Variants in INTS14 observed in about 807,000 individuals in gnomAD.
INTS14 encodes the protein integrator complex subunit 14.
Under a neutral mutation model 56.9 loss-of-function variants are expected in INTS14, and 27 were observed. That is an observed-to-expected ratio of 0.47 (90% confidence interval 0.35 to 0.65). The LOEUF is 0.65. INTS14 is among the 30% of genes least tolerant of loss of function. The pLI is 0.00. For synonymous variants in INTS14, 207 were observed against 236.2 expected (o/e 0.88, Z 1.13); for missense variants, 517 against 632.2 (o/e 0.82, Z 1.95).
Position 65,579,603 on chromosome 15 carries a change from T to G in INTS14, c.1362A>C (p.Lys454Asn), listed in dbSNP as rs2072509942. Residue 454 changes from lysine (K) to asparagine (N), a missense_variant, in exon 12 of 12, where the codon AAA becomes AAC. Coordinates refer to ENST00000313182, the MANE Select transcript of INTS14 (RefSeq NM_001394796.1). ...CCCTTTCCAGCATGTCAGCCACCCC[T>G]TTCAGCAGGTCCAGGAAACCAAAGG... ...ALAFGFLDLL[K>N]GVADMLEREC... 9.9e-6 allele frequency: 16 copies of G among 1,614,174 alleles called. No homozygotes were observed. The highest frequency in any genetic ancestry group is 1.4e-5 in the Non-Finnish European group (16 of 1,180,030).
intron 3 of INTS14, among the ~76,000 whole-genome samples, chr15:65,603,446 A>G (rs941992772): frequency 6.6e-6 from 1 of 152,038 alleles, no homozygotes; most frequent in Non-Finnish European, 1.5e-5. Flanking sequence ...CTTTTGAGTC[A>G]ATTCATACCT....
At chr15:65,604,123 G>T (rs1013167931) in intron 3 of INTS14, among the ~76,000 whole-genome samples, 2 of 152,116 alleles carry the variant, frequency 1.3e-5, no homozygotes, top group African/African-American at 4.8e-5. Context: ...TCGCTCTGTC[G>T]CTAGGCTGGA....
chr15:65,598,638 C>A, intron 5 of INTS14, 175 bp from the exon 6 acceptor site: 1 of 797,094 alleles, frequency 1.3e-6, no homozygotes, highest in Non-Finnish European at 1.9e-6. Context: ...TCTGAAAAGC[C>A]CAAGAGCAAG....
At chr15:65,609,845 T>C (rs923182538) in intron 1 of INTS14, among the ~76,000 whole-genome samples, 1 of 152,106 alleles carries the variant, frequency 6.6e-6, no homozygotes, top group South Asian at 2.1e-4. Context: ...AAAAGCACTT[T>C]CAGCCCGTGA....
chr15:65,599,294 G>A (rs1033628996), intron 4 of INTS14: 1 of 230,418 alleles, frequency 4.3e-6, no homozygotes, highest in Non-Finnish European at 8.4e-6. Flanking sequence ...CTTTTGGTGA[G>A]AACCATCATT....
intron 11 of INTS14, among the ~76,000 whole-genome samples, chr15:65,580,792 G>A (rs1041192465): frequency 9.2e-5 from 14 of 152,174 alleles, no homozygotes; most frequent in Non-Finnish European, 1.8e-4. Context: ...GGAGAATCAA[G>A]GAGCAAACCT....
chr15:65,580,683 G>A (rs2072571438), intron 11 of INTS14, among the ~76,000 whole-genome samples: 1 of 152,218 alleles, frequency 6.6e-6, no homozygotes, highest in Admixed American at 6.5e-5. Context: ...GCCTAAGGCT[G>A]GCTGTGTGTG....
At chr15:65,580,450 G>T (rs1296952579) in intron 11 of INTS14, among the ~76,000 whole-genome samples, 1 of 152,176 alleles carries the variant, frequency 6.6e-6, no homozygotes, top group Non-Finnish European at 1.5e-5. Flanking sequence ...GTAAATAGCT[G>T]ATGACTGTAG....
At chr15:65,584,322 CTG>C (rs1202531767) in intron 10 of INTS14, among the ~76,000 whole-genome samples, 1 of 152,170 alleles carries the variant, frequency 6.6e-6, no homozygotes, top group Non-Finnish European at 1.5e-5. Flanking sequence ...TTTTCCAAAA[CTG>C]TTGTTAAAGC....
intron 11 of INTS14, among the ~76,000 whole-genome samples, chr15:65,581,301 GC>G (rs1156570091): frequency 1.7e-5 from 2 of 120,290 alleles, no homozygotes; most frequent in African/African-American, 7.1e-5. Flanking sequence ...AATTGTTTGA[GC>G]CCGCGAGGCG....
chr15:65,609,427 A>G (rs1287597115), intron 1 of INTS14, among the ~76,000 whole-genome samples: 2 of 151,938 alleles, frequency 1.3e-5, no homozygotes, highest in African/African-American at 4.8e-5. Context: ...GGTCCTGCAC[A>G]ATATTGGTTC....
At chr15:65,584,167 T>C (rs535153190) in intron 10 of INTS14, among the ~76,000 whole-genome samples, 3 of 152,364 alleles carry the variant, frequency 2.0e-5, no homozygotes, top group East Asian at 3.9e-4. Context: ...TTATCATATG[T>C]TCCTGAATAC....
intron 3 of INTS14, among the ~76,000 whole-genome samples, chr15:65,604,391 G>A (rs1395507679): frequency 6.6e-6 from 1 of 152,100 alleles, no homozygotes; most frequent in African/African-American, 2.4e-5. Context: ...TAGATTTTAT[G>A]TTTTATACTC....
chr15:65,608,683 G>C (rs1165759472), intron 1 of INTS14, among the ~76,000 whole-genome samples: 2 of 152,148 alleles, frequency 1.3e-5, no homozygotes, highest in Non-Finnish European at 2.9e-5. Flanking sequence ...GAGAAAAGCA[G>C]GCCCCAGAAC....
chr15:65,602,697 T>C (rs528098967), intron 3 of INTS14, among the ~76,000 whole-genome samples: 66 of 151,702 alleles, frequency 4.4e-4, no homozygotes, highest in Middle Eastern at 3.4e-3. Flanking sequence ...GGAGTTTCTC[T>C]CTTGTTGCCC....
At chr15:65,608,441 C>T (rs1036691844) in intron 1 of INTS14, among the ~76,000 whole-genome samples, 1 of 143,576 alleles carries the variant, frequency 7.0e-6, no homozygotes, top group Non-Finnish European at 1.5e-5. Flanking sequence ...TCAAAATGTA[C>T]AAATGGAGTT....
At chr15:65,580,124 A>T (rs1433897471) in intron 11 of INTS14, among the ~76,000 whole-genome samples, 1 of 152,186 alleles carries the variant, frequency 6.6e-6, no homozygotes, top group African/African-American at 2.4e-5. Context: ...CAGAGTGGAA[A>T]GACCAACAAA....
At chr15:65,603,388 A>T (rs2073513567) in intron 3 of INTS14, among the ~76,000 whole-genome samples, 1 of 152,184 alleles carries the variant, frequency 6.6e-6, no homozygotes, top group African/African-American at 2.4e-5. Context: ...CCACCCCCAC[A>T]AACAAGATAA....
intron 8 of INTS14, among the ~76,000 whole-genome samples, chr15:65,592,606 G>T (rs1460605167): frequency 1.3e-5 from 2 of 152,170 alleles, no homozygotes; most frequent in African/African-American, 4.8e-5. Context: ...TCTTAAGCCT[G>T]TCTCCTCATC....
Sources: gnomAD v4.1 joint callset for allele counts (sites outside exome capture counted in the v4.1 genomes callset) on GRCh38, gnomAD v4.1.1 for gene constraint, MANE v1.5 for transcripts, NCBI Gene and HGNC (gene_info 2026-07-23, HGNC 2026-07-21) for gene names.